The following TMEM65 variants were observed in gnomAD, a reference collection of about 807,000 sequenced individuals.
TMEM65 encodes transmembrane protein 65.
In TMEM65, 22 loss-of-function variants were observed where a neutral mutation model predicts 25.4. The observed-to-expected ratio is 0.86, with a 90% CI of 0.62 to 1.23. The LOEUF (loss-of-function observed/expected upper bound fraction) is 1.23. TMEM65 is among the 50% of genes most tolerant of loss of function. TMEM65 has a pLI of 0.00. For missense variants in TMEM65, 262 were observed against 308.2 expected, an observed-to-expected ratio of 0.85 and a Z score of 1.12; for synonymous variants, 132 against 126.2, an observed-to-expected ratio of 1.05 and a Z score of -0.31.
chr8:124,343,625 G>T (rs1814608951), intron 1 of TMEM65, among the ~76,000 whole-genome samples: 1 of 152,034 alleles, frequency 6.6e-6, no homozygotes, highest in Admixed American at 6.6e-5. Context: ...ATACCAATCA[G>T]AGACCTCAAG....
intron 1 of TMEM65, among the ~76,000 whole-genome samples, chr8:124,333,662 A>G (rs896794228): frequency 5.9e-5 from 9 of 152,204 alleles, no homozygotes; most frequent in African/African-American, 2.2e-4. Context: ...AACAACCACA[A>G]ACTACAAACA....
At chr8:124,349,879 ATTC>A (rs1814683851) in intron 1 of TMEM65, among the ~76,000 whole-genome samples, 1 of 152,174 alleles carries the variant, frequency 6.6e-6, no homozygotes, top group Non-Finnish European at 1.5e-5. Context: ...TAAGTATCTT[ATTC>A]TTAATAGAAT....
intron 1 of TMEM65, among the ~76,000 whole-genome samples, chr8:124,352,109 A>T (rs1814716553): frequency 1.3e-5 from 2 of 152,178 alleles, no homozygotes; most frequent in Non-Finnish European, 2.9e-5. Flanking sequence ...GGTCATGATT[A>T]CGATGTACAT....
At chr8:124,354,371 T>C (rs534703421) in intron 1 of TMEM65, among the ~76,000 whole-genome samples, 7 of 152,344 alleles carry the variant, frequency 4.6e-5, no homozygotes, top group African/African-American at 1.4e-4. Flanking sequence ...CCATGTTATA[T>C]TGTGGTTATC....
At chr8:124,335,441 G>A (rs551878505) in intron 1 of TMEM65, among the ~76,000 whole-genome samples, 2 of 152,008 alleles carry the variant, frequency 1.3e-5, no homozygotes, top group South Asian at 4.1e-4. Context: ...TAAATGTCTG[G>A]GTAAATATAA....
At chr8:124,349,563 G>T (rs1005182033) in intron 1 of TMEM65, among the ~76,000 whole-genome samples, 1 of 152,026 alleles carries the variant, frequency 6.6e-6, no homozygotes, top group Admixed American at 6.6e-5. Context: ...AAACAGCACC[G>T]AACTAAAAAC....
rs1264900674 is a variant in TMEM65 at position 124,309,772 on chromosome 8, TG to T, written c.*4187del. On this transcript the variant is annotated 3_prime_UTR_variant, in exon 7 of 7. Transcript: ENST00000297632. ...CAATATTTAAGTGTATATTTGCAGG[TG>T]GGCGCAGGGGCTCACGCCTGTAATC... 1 of 152,218 alleles carries T rather than the reference TG, an allele frequency of 6.6e-6. No homozygotes were observed. Among genetic ancestry groups the T allele is most frequent in the Non-Finnish European group, 1.5e-5 (1 of 68,060 alleles). 9.4% of individuals were successfully genotyped at this position (152,218 alleles called of 1,614,324 possible).
At chr8:124,354,253 A>G (rs1215642734) in intron 1 of TMEM65, among the ~76,000 whole-genome samples, 1 of 152,230 alleles carries the variant, frequency 6.6e-6, no homozygotes, top group East Asian at 1.9e-4. Flanking sequence ...AATAGGTAAC[A>G]ACTAAATGCA....
At chr8:124,322,879 C>T (rs1207570408) in intron 4 of TMEM65, among the ~76,000 whole-genome samples, 8 of 151,806 alleles carry the variant, frequency 5.3e-5, no homozygotes, top group Non-Finnish European at 1.2e-4. Flanking sequence ...GCCAGTAGTC[C>T]CAGCTACTCA....
At chr8:124,344,791 C>T (rs1337712732) in intron 1 of TMEM65, among the ~76,000 whole-genome samples, 1 of 152,148 alleles carries the variant, frequency 6.6e-6, no homozygotes, top group African/African-American at 2.4e-5. Context: ...ACACCATATC[C>T]TCTCTAGAGT....
chr8:124,347,165 A>C (rs1011039643), intron 1 of TMEM65, among the ~76,000 whole-genome samples: 1 of 152,216 alleles, frequency 6.6e-6, no homozygotes, highest in South Asian at 2.1e-4. Context: ...TCTAAAGTTA[A>C]GCTCTTTAGA....
intron 2 of TMEM65, among the ~76,000 whole-genome samples, chr8:124,328,363 C>G (rs1405174957): frequency 2.6e-5 from 4 of 151,260 alleles, no homozygotes; most frequent in Non-Finnish European, 5.9e-5. Context: ...AAGATTGCAC[C>G]ACTGAACTCT....
At chr8:124,355,848 A>G (rs28536158) in intron 1 of TMEM65, among the ~76,000 whole-genome samples, 11,533 of 152,256 alleles carry the variant, frequency 0.076, 469 homozygotes, top group African/African-American at 0.11. Context: ...GGTACAGCTA[A>G]ATAGTAGGTG....
At chr8:124,316,529 G>A (rs1018463769) in intron 6 of TMEM65, among the ~76,000 whole-genome samples, 3 of 152,080 alleles carry the variant, frequency 2.0e-5, no homozygotes, top group African/African-American at 7.2e-5. Context: ...CTAAAAACAA[G>A]CAGAGTCAAC....
intron 3 of TMEM65, among the ~76,000 whole-genome samples, chr8:124,326,195 G>A (rs139822075): frequency 0.011 from 1,688 of 152,050 alleles, 13 homozygotes; most frequent in Middle Eastern, 0.041. Flanking sequence ...GACCCCACCT[G>A]GGAACTCATA....
At chr8:124,336,348 A>T (rs906092999) in intron 1 of TMEM65, among the ~76,000 whole-genome samples, 6 of 152,140 alleles carry the variant, frequency 3.9e-5, no homozygotes, top group Non-Finnish European at 8.8e-5. Context: ...GAACACTACC[A>T]ACTATGTTGA....
Position 124,330,733 on chromosome 8 carries a change from T to C in TMEM65, c.349+15A>G. 1 of 1,591,750 alleles carries C rather than the reference T, an allele frequency of 6.3e-7. No homozygotes were observed. The highest frequency in any genetic ancestry group is 8.5e-7 in the Non-Finnish European group (1 of 1,170,808). On this transcript the variant is annotated intron_variant, in intron 2 of 6. Coordinates refer to ENST00000297632, the MANE Select transcript of TMEM65 (RefSeq NM_194291.3). ...AGACAGATGAACATATATTTAACAA[T>C]TATAGAACCATTACCATATCTCAGC...
intron 1 of TMEM65, among the ~76,000 whole-genome samples, chr8:124,354,955 T>C (rs758933634): frequency 2.6e-5 from 4 of 152,082 alleles, no homozygotes; most frequent in East Asian, 1.9e-4. Context: ...AATTTAAGAC[T>C]GTTTCAAAAT....
chr8:124,324,889 C>G (rs992972749), intron 3 of TMEM65, among the ~76,000 whole-genome samples: 16 of 152,054 alleles, frequency 1.1e-4, no homozygotes, highest in Admixed American at 7.9e-4. Context: ...TAAAGTTATA[C>G]CTGGTTCATT....
Sources: gnomAD v4.1 joint callset for allele counts (sites outside exome capture counted in the v4.1 genomes callset) on GRCh38, gnomAD v4.1.1 for gene constraint, MANE v1.5 for transcripts, NCBI Gene and HGNC (gene_info 2026-07-23, HGNC 2026-07-21) for gene names.